Variants in KCNT2 observed in about 807,000 individuals in gnomAD.
KCNT2 encodes potassium channel subfamily T member 2.
A neutral mutation model predicts 153.8 loss-of-function variants in KCNT2; 67 were observed. The observed-to-expected ratio is 0.44, with a 90% CI of 0.36 to 0.53. The LOEUF (loss-of-function observed/expected upper bound fraction) is 0.53, where lower values mean the gene tolerates loss of function less well. Ranked by LOEUF, KCNT2 falls within the 20% of genes least tolerant of loss-of-function variation. KCNT2 has a pLI of 0.00. For synonymous variants in KCNT2, 500 were observed against 458.8 expected, an observed-to-expected ratio of 1.09 and a Z score of -1.15; for missense variants, 975 against 1,354.8, an observed-to-expected ratio of 0.72 and a Z score of 4.40.
chr1:196,234,478 C>T (rs1276508024), intron 27 of KCNT2, among the ~76,000 whole-genome samples: 1 of 151,256 alleles, frequency 6.6e-6, no homozygotes, highest in African/African-American at 2.4e-5. Context: ...CTTGCCTTTA[C>T]AATGCTTTAT....
intron 12 of KCNT2, among the ~76,000 whole-genome samples, chr1:196,422,762 A>C (rs1241509411): frequency 6.6e-6 from 1 of 151,922 alleles, no homozygotes; most frequent in African/African-American, 2.4e-5. Flanking sequence ...AAAACTACAT[A>C]TCATAAGACA....
chr1:196,311,322 C>T lies in KCNT2; in HGVS notation c.2483+4570G>A, dbSNP rs140725008. Reference sequence around the variant, plus strand: ...ACAATCCTGACACTTACTAGATGCTCAATAAACCTAGGGGCCAAGCATGAT... The same window carrying T: ...ACAATCCTGACACTTACTAGATGCTTAATAAACCTAGGGGCCAAGCATGAT... On this transcript the variant is annotated intron_variant, in intron 21 of 27. Coordinates refer to ENST00000294725, the MANE Select transcript of KCNT2 (RefSeq NM_198503.5). Among the ~76,000 whole-genome samples, 130 of 151,862 alleles carry T rather than the reference C, an allele frequency of 8.6e-4. 3 individuals carry two copies. The East Asian group carries it at 0.023, about 27-fold the overall frequency.
intron 13 of KCNT2, among the ~76,000 whole-genome samples, chr1:196,375,291 A>G (rs1034306571): frequency 4.6e-5 from 7 of 151,776 alleles, no homozygotes; most frequent in Non-Finnish European, 8.9e-5. Context: ...ACATTTGGTA[A>G]AAGTTTTACA....
At chr1:196,275,745 TTTATA>T (rs1658507199) in intron 25 of KCNT2, among the ~76,000 whole-genome samples, 1 of 151,976 alleles carries the variant, frequency 6.6e-6, no homozygotes, top group African/African-American at 2.4e-5. Context: ...GCCTAAAGTC[TTTATA>T]TTAGTTTATC....
At chr1:196,319,632 G>T in intron 19 of KCNT2, 77 bp from the exon 20 acceptor site, 2 of 897,186 alleles carry the variant, frequency 2.2e-6, no homozygotes, top group Non-Finnish European at 1.7e-6. Context: ...GAAGTAAGTT[G>T]ACTTAGTTTG....
intron 15 of KCNT2, 121 bp from the exon 16 acceptor site, chr1:196,340,691 C>T: frequency 4.8e-6 from 3 of 629,044 alleles, no homozygotes; most frequent in Non-Finnish European, 7.9e-6. Flanking sequence ...GTTCAAGATC[C>T]TCATTTTTAC....
chr1:196,330,833 T>C (rs1218535172), intron 18 of KCNT2, among the ~76,000 whole-genome samples: 4 of 151,992 alleles, frequency 2.6e-5, no homozygotes, highest in Non-Finnish European at 5.9e-5. Context: ...AAATAAATAA[T>C]GCACATTTGA....
intron 1 of KCNT2, among the ~76,000 whole-genome samples, chr1:196,499,337 T>C (rs1258460521): frequency 6.6e-6 from 1 of 152,226 alleles, no homozygotes; most frequent in Non-Finnish European, 1.5e-5. Context: ...TCTATAATGG[T>C]GACAACACCA....
chr1:196,268,978 A>G (rs1385296723), intron 25 of KCNT2, among the ~76,000 whole-genome samples: 2 of 151,984 alleles, frequency 1.3e-5, no homozygotes, highest in African/African-American at 2.4e-5. Context: ...CTAGGTAAAA[A>G]ATAATAATAA....
At chr1:196,456,121 G>T (rs1396531739) in intron 8 of KCNT2, among the ~76,000 whole-genome samples, 1 of 151,998 alleles carries the variant, frequency 6.6e-6, no homozygotes, top group Non-Finnish European at 1.5e-5. Context: ...CACTTTTCTT[G>T]CCTGCCTCAG....
rs372683085 is a variant in KCNT2, at chr1:196,297,516, T to C, written c.2595+7718A>G. On this transcript the variant is annotated intron_variant, in intron 22 of 27. Coordinates refer to ENST00000294725, the MANE Select transcript of KCNT2 (RefSeq NM_198503.5). ...CTCATTATGTACAATCACAATCCTA[T>C]AAATATTATTAATAGACAAATTTAT... Among the ~76,000 whole-genome samples, 26 of 152,272 alleles carry C rather than the reference T, an allele frequency of 1.7e-4. No homozygotes were observed. The East Asian group carries it at 5.0e-3, about 29-fold the overall frequency.
Position 196,510,133 on chromosome 1 carries a change from G to T in KCNT2, c.96-17792C>A, listed in dbSNP as rs186425693. 6.3e-3 allele frequency among the ~76,000 whole-genome samples: 960 copies of T among 152,236 alleles called. 3 individuals are homozygous for T. The highest frequency in any genetic ancestry group is 1.0e-2 in the Non-Finnish European group (678 of 67,998). ...GAAGTAAAAGGAATTAAAATGGCTA[G>T]AACAAAGGGAGCAAGTCAGATAAAT... On this transcript the variant is annotated intron_variant, in intron 1 of 27. Transcript: ENST00000294725.
intron 26 of KCNT2, among the ~76,000 whole-genome samples, chr1:196,255,977 G>A (rs1020964071): frequency 4.6e-5 from 7 of 151,820 alleles, no homozygotes; most frequent in Middle Eastern, 3.2e-3. Flanking sequence ...ATCACTCTGG[G>A]CAAGGCATTT....
At position 196,340,380 on chromosome 1, in the gene KCNT2, G is replaced by A. The variant is rs1489760910; in HGVS notation, c.1744C>T (p.Pro582Ser). ...SNVSRSFYHG[P>S]SRLPVHSIIA... ...ATGCTATGTACAGGTAATCTGGAAGGTCCATGATAAAACGACCTGGACACA... is the reference window on the plus strand; with the variant it reads ...ATGCTATGTACAGGTAATCTGGAAGATCCATGATAAAACGACCTGGACACA... Residue 582 changes from proline (P) to serine (S), a missense_variant, in exon 16 of 28, where the codon CCT (proline) becomes TCT (serine). By Grantham distance (74) the Pro-to-Ser change is moderately conservative. Coordinates refer to ENST00000294725, the MANE Select transcript of KCNT2 (RefSeq NM_198503.5). 1 of 1,611,756 alleles carries A rather than the reference G, an allele frequency of 6.2e-7. No individual in the cohort carries two copies. The highest frequency in any genetic ancestry group is 8.5e-7 in the Non-Finnish European group (1 of 1,178,664).
intron 1 of KCNT2, among the ~76,000 whole-genome samples, chr1:196,515,946 T>C (rs1210877622): frequency 1.3e-5 from 2 of 152,038 alleles, no homozygotes; most frequent in African/African-American, 2.4e-5. Context: ...CCTGGTGAAC[T>C]CCTACACCAG....
At chr1:196,426,395 A>G (rs1673657455) in intron 10 of KCNT2, among the ~76,000 whole-genome samples, 1 of 152,030 alleles carries the variant, frequency 6.6e-6, no homozygotes. Context: ...CAAAATTGTG[A>G]TAGCGATTTA....
chr1:196,607,461 T>C (rs1665443548), intron 1 of KCNT2, among the ~76,000 whole-genome samples: 1 of 152,232 alleles, frequency 6.6e-6, no homozygotes, highest in South Asian at 2.1e-4. Flanking sequence ...ATGAACAATA[T>C]TTTGCTAACA....
At chr1:196,490,549 G>A (rs141474080) in intron 2 of KCNT2, among the ~76,000 whole-genome samples, 45 of 148,734 alleles carry the variant, frequency 3.0e-4, no homozygotes, top group Middle Eastern at 7.1e-3. Context: ...ACACACACAC[G>A]ATCAATCTCT....
intron 26 of KCNT2, among the ~76,000 whole-genome samples, chr1:196,254,456 T>C (rs1571809499): frequency 6.6e-6 from 1 of 151,594 alleles, no homozygotes; most frequent in Non-Finnish European, 1.5e-5. Context: ...ATACTTGTAT[T>C]ATTCCTTCCA....
Sources: gnomAD v4.1 joint callset for allele counts (sites outside exome capture counted in the v4.1 genomes callset) on GRCh38, gnomAD v4.1.1 for gene constraint, MANE v1.5 for transcripts, NCBI Gene and HGNC (gene_info 2026-07-23, HGNC 2026-07-21) for gene names.